CHMP3: variants seen among roughly 807,000 people sequenced by gnomAD.
The protein encoded by CHMP3 is charged multivesicular body protein 3, also known as 25.1 protein.
A neutral mutation model predicts 27.4 loss-of-function variants in CHMP3; 8 were observed. That is an observed-to-expected ratio of 0.29 (90% CI 0.17 to 0.53). The LOEUF is 0.53. CHMP3 is among the 20% of genes least tolerant of loss of function. The pLI is 0.96. For synonymous variants in CHMP3, 86 were observed against 85.5 expected (o/e 1.01, Z -0.03); for missense variants, 208 against 271.5 (o/e 0.77, Z 1.64).
At chr2:86,509,224 TAA>T (rs567702571) in intron 4 of CHMP3, among the ~76,000 whole-genome samples, 102 of 152,178 alleles carry the variant, frequency 6.7e-4, no homozygotes, top group Non-Finnish European at 1.0e-3. Flanking sequence ...GTGGCTGAGT[TAA>T]AATGAGCAAG....
chr2:86,549,847 G>A (rs957098885), intron 1 of CHMP3, among the ~76,000 whole-genome samples: 6 of 130,860 alleles, frequency 4.6e-5, no homozygotes, highest in African/African-American at 1.5e-4. Context: ...GGCGCTCCTC[G>A]CCTCCCAGAT....
intron 4 of CHMP3, among the ~76,000 whole-genome samples, chr2:86,508,446 G>A (rs1674968082): frequency 6.6e-6 from 1 of 152,218 alleles, no homozygotes; most frequent in Non-Finnish European, 1.5e-5. Context: ...AAGTCAACAA[G>A]AGGGCTGCTG....
At chr2:86,519,189 C>T (rs1239923835) in intron 3 of CHMP3, among the ~76,000 whole-genome samples, 1 of 151,998 alleles carries the variant, frequency 6.6e-6, no homozygotes, top group East Asian at 1.9e-4. Flanking sequence ...GGCTCCTCAA[C>T]ATGGTGAAAC....
chr2:86,552,972 A>G (rs1160548499), intron 1 of CHMP3, among the ~76,000 whole-genome samples: 3 of 141,778 alleles, frequency 2.1e-5, no homozygotes, highest in African/African-American at 5.2e-5. Flanking sequence ...ACATGGGCAC[A>G]TGGAGGGCAA....
At chr2:86,525,407 T>C (rs1175202153) in intron 3 of CHMP3, among the ~76,000 whole-genome samples, 1 of 152,084 alleles carries the variant, frequency 6.6e-6, no homozygotes, top group African/African-American at 2.4e-5. Flanking sequence ...TGCATATATA[T>C]ACTGTTCTCA....
At chr2:86,508,805 T>C (rs928838788) in intron 4 of CHMP3, among the ~76,000 whole-genome samples, 1 of 152,172 alleles carries the variant, frequency 6.6e-6, no homozygotes, top group African/African-American at 2.4e-5. Context: ...AACAAATAAA[T>C]TCATATTCAT....
intron 1 of CHMP3, chr2:86,562,568 C>A (rs1236612433): frequency 6.6e-6 from 1 of 152,230 alleles, no homozygotes; most frequent in African/African-American, 2.4e-5. Context: ...TCTGGCTTCA[C>A]AGTCGAGAAG....
intron 1 of CHMP3, among the ~76,000 whole-genome samples, chr2:86,543,468 G>A (rs1048059568): frequency 2.6e-5 from 4 of 152,150 alleles, no homozygotes; most frequent in African/African-American, 9.7e-5. Flanking sequence ...CCACAGCCTT[G>A]CTTGCTCAAA....
intron 2 of CHMP3, among the ~76,000 whole-genome samples, chr2:86,536,569 A>G (rs1183069066): frequency 6.6e-6 from 1 of 152,138 alleles, no homozygotes; most frequent in Non-Finnish European, 1.5e-5. Flanking sequence ...ATCTTCTAAA[A>G]TCTTACGAGG....
At chr2:86,548,666 A>G (rs1334778839) in intron 1 of CHMP3, among the ~76,000 whole-genome samples, 1 of 151,176 alleles carries the variant, frequency 6.6e-6, no homozygotes, top group Admixed American at 6.6e-5. Flanking sequence ...CAAAACCGCC[A>G]TCGTCATCAT....
At chr2:86,531,277 G>A (rs1573266497) in intron 2 of CHMP3, among the ~76,000 whole-genome samples, 1 of 152,038 alleles carries the variant, frequency 6.6e-6, no homozygotes, top group South Asian at 2.1e-4. Flanking sequence ...CCAAAGTGCT[G>A]GAATTACAGG....
chr2:86,536,048 T>A (rs903836150), intron 2 of CHMP3, among the ~76,000 whole-genome samples: 2 of 129,350 alleles, frequency 1.5e-5, no homozygotes, highest in African/African-American at 5.9e-5. Flanking sequence ...CAGGCTGGAG[T>A]GCAGTGGCGG....
At chr2:86,541,980 T>C (rs1676378620) in intron 2 of CHMP3, among the ~76,000 whole-genome samples, 1 of 152,194 alleles carries the variant, frequency 6.6e-6, no homozygotes, top group Non-Finnish European at 1.5e-5. Context: ...CTTACTTATG[T>C]ATAATTTATT....
chr2:86,556,801 T>G (rs75973692), intron 1 of CHMP3, among the ~76,000 whole-genome samples: 6,304 of 152,276 alleles, frequency 0.041, 191 homozygotes, highest in Non-Finnish European at 0.064. Context: ...TCGGGGTCTG[T>G]GAGCAGCCTG....
chr2:86,528,822 A>C (rs1159397713), intron 3 of CHMP3, among the ~76,000 whole-genome samples: 2 of 152,186 alleles, frequency 1.3e-5, no homozygotes, highest in Non-Finnish European at 2.9e-5. Flanking sequence ...GCAGAAAAGG[A>C]GGTGAACCAA....
At chr2:86,554,324 T>G (rs550642601) in intron 1 of CHMP3, among the ~76,000 whole-genome samples, 8 of 152,166 alleles carry the variant, frequency 5.3e-5, no homozygotes, top group Admixed American at 2.0e-4. Context: ...ATTTAAAAAT[T>G]TTCATAATAA....
chr2:86,521,593 T>C (rs1008694337), intron 3 of CHMP3, among the ~76,000 whole-genome samples: 3 of 152,062 alleles, frequency 2.0e-5, no homozygotes, highest in Non-Finnish European at 2.9e-5. Context: ...TCAATCCCCA[T>C]TTCCCCTTAC....
chr2:86,535,188 C>T (rs752885215), intron 2 of CHMP3, among the ~76,000 whole-genome samples: 12 of 147,992 alleles, frequency 8.1e-5, no homozygotes, highest in East Asian at 2.0e-4. Flanking sequence ...CCCAGGAGGT[C>T]GAGGCTGCTG....
rs961412464 is a variant in CHMP3 at position 86,504,924 on chromosome 2, A to C, written c.*880T>G. On this transcript the variant is annotated 3_prime_UTR_variant, in exon 6 of 6. Coordinates refer to ENST00000263856, the MANE Select transcript of CHMP3 (RefSeq NM_016079.4). ...CAAAGTACTACTGCTGAAATGATTT[A>C]TAAATGTATCTTAAGAATGTCCCAG... is the stretch of plus-strand genomic sequence containing the variant. 6.6e-6 allele frequency: 1 copy of C among 152,162 alleles called. No homozygotes were observed. The highest frequency in any genetic ancestry group is 2.4e-5 in the African/African-American group (1 of 41,420). 9.4% of individuals were successfully genotyped at this position (152,162 alleles called of 1,614,324 possible). A position where few individuals can be genotyped will look rare whatever the true frequency, so the allele number is the denominator to read the frequency against.
Sources: allele counts gnomAD v4.1 joint callset (sites outside exome capture counted in the v4.1 genomes callset), GRCh38; gene constraint gnomAD v4.1.1; transcripts MANE v1.5; gene names NCBI Gene and HGNC (gene_info 2026-07-23, HGNC 2026-07-21).